Variants in KEAP1 observed in about 807,000 individuals in gnomAD.
The protein encoded by KEAP1 is kelch-like ECH-associated protein 1.
In KEAP1, 26 loss-of-function variants were observed where a neutral mutation model predicts 59.7. That is an observed-to-expected ratio of 0.44 (90% CI 0.32 to 0.60). The LOEUF (loss-of-function observed/expected upper bound fraction) is 0.60, where lower values mean the gene tolerates loss of function less well. Ranked by LOEUF, KEAP1 falls within the 20% of genes least tolerant of loss-of-function variation. KEAP1 has a pLI of 0.06. For missense variants in KEAP1, 539 were observed against 871.4 expected, an observed-to-expected ratio of 0.62 and a Z score of 4.80; for synonymous variants, 350 against 358.3, an observed-to-expected ratio of 0.98 and a Z score of 0.26.
chr19:10,492,944 C>G (rs919340936), intron 2 of KEAP1, among the ~76,000 whole-genome samples: 1 of 151,280 alleles, frequency 6.6e-6, no homozygotes, highest in African/African-American at 2.4e-5. Flanking sequence ...GCCTCAGCCT[C>G]TCAAGTAGCT....
rs184784172 is a variant in KEAP1 at position 10,494,718 on chromosome 19, C to T, written c.640-2456G>A. Reference sequence around the variant, plus strand: ...TCGCCCAGGCTGGAGTGCAGTGGCACGATCTTGCCTCACTGCAAGCTCTGC... The same window carrying T: ...TCGCCCAGGCTGGAGTGCAGTGGCATGATCTTGCCTCACTGCAAGCTCTGC... On this transcript the variant is annotated intron_variant, in intron 2 of 5. Coordinates refer to ENST00000171111, the MANE Select transcript of KEAP1 (RefSeq NM_203500.2). Among the ~76,000 whole-genome samples, 442 of 148,720 alleles carry T rather than the reference C, an allele frequency of 3.0e-3. 4 individuals carry two copies. Among genetic ancestry groups the T allele is most frequent in the African/African-American group, 0.01 (410 of 40,214 alleles).
At chr19:10,486,949 C>T in intron 5 of KEAP1, 131 bp from the exon 6 acceptor site, 1 of 894,022 alleles carries the variant, frequency 1.1e-6, no homozygotes. Flanking sequence ...ATAATCCTAG[C>T]ACTTTGCAGG....
chr19:10,494,657 CT>C (rs111799495), intron 2 of KEAP1, among the ~76,000 whole-genome samples: 66,563 of 110,712 alleles, frequency 0.6, 18,109 homozygotes, highest in Middle Eastern at 0.69. Flanking sequence ...CTGTTTGTTT[CT>C]TTTTTTTTTT....
intron 2 of KEAP1, among the ~76,000 whole-genome samples, chr19:10,498,574 T>C (rs1409439102): frequency 6.6e-6 from 1 of 152,122 alleles, no homozygotes; most frequent in South Asian, 2.1e-4. Context: ...AAAAACAGTA[T>C]AAGGACATTG....
intron 1 of KEAP1, among the ~76,000 whole-genome samples, chr19:10,501,422 G>A (rs1483760884): frequency 1.3e-5 from 2 of 151,874 alleles, no homozygotes; most frequent in Non-Finnish European, 2.9e-5. Flanking sequence ...AAGGTCAGAA[G>A]ATCGAGACCA....
intron 5 of KEAP1, among the ~76,000 whole-genome samples, chr19:10,488,942 A>T (rs1369394305): frequency 6.6e-6 from 1 of 151,888 alleles, no homozygotes; most frequent in Non-Finnish European, 1.5e-5. Context: ...AAAGAAAAAA[A>T]ACATTAGCCG....
rs1915066935 is a variant in KEAP1 at position 10,502,218 on chromosome 19, C to A, written c.-48+1023G>T. ...CACCCTCCCTGGGTGCCACTCGGCC[C>A]CCACTCTGGTGCCAAGGCCCTGGGT... is the stretch of plus-strand genomic sequence containing the variant. On this transcript the variant is annotated intron_variant, in intron 1 of 5. Transcript: ENST00000171111. This position sits in a 1 kb window ranked among gnomAD's most constrained non-coding sequence, Gnocchi z 4.0. Among the ~76,000 whole-genome samples the A allele has an allele frequency of 6.6e-6, 1 of 152,140 alleles. No homozygotes were observed. Among genetic ancestry groups the A allele is most frequent in the East Asian group, 1.9e-4 (1 of 5,174 alleles).
Position 10,491,888 on chromosome 19 carries a change from C to G in KEAP1, c.1014G>C (p.Ser338=), listed in dbSNP as rs769087193. 1 of 1,613,200 alleles carries G rather than the reference C, an allele frequency of 6.2e-7. No homozygotes were observed. The highest frequency in any genetic ancestry group is 8.5e-7 in the Non-Finnish European group (1 of 1,179,748). ...GGTTGTAAGCCTCCAGGTAGCTGAG[C>G]GACTGTCGGAAGTAGCCGCCCGCGG... ...IYTAGGYFRQ[S]LSYLEAYNPS... is the part of the protein sequence containing the mutation. The change falls in exon 3 of 6, where the codon TCG becomes TCC. Residue 338 remains serine, a synonymous_variant. Transcript: ENST00000171111. The surrounding 1 kb of genome is among the most constrained non-coding windows in gnomAD (Gnocchi z 5.2).
chr19:10,489,313 G>T lies in KEAP1; in HGVS notation c.1587C>A (p.Asp529Glu). The T allele has an allele frequency of 6.2e-7, 1 of 1,614,006 alleles. No homozygotes were observed. Among genetic ancestry groups the T allele is most frequent in the South Asian group, 1.1e-5 (1 of 91,076 alleles). The stretch of plus-strand genomic sequence containing the variant: ...CGTAGCGCTCCACGCTGTTCAGCTG[G>T]TCCTGACCATCATAGCCCCCAGCAG... ...IYAAGGYDGQ[D>E]QLNSVERYDV... The change falls in exon 5 of 6, where the codon GAC becomes GAA. Residue 529 changes from aspartate to glutamate, a missense_variant. Coordinates refer to ENST00000171111, the MANE Select transcript of KEAP1 (RefSeq NM_203500.2).
chr19:10,496,223 C>A (rs555565348), intron 2 of KEAP1, among the ~76,000 whole-genome samples: 1 of 147,702 alleles, frequency 6.8e-6, no homozygotes, highest in Non-Finnish European at 1.5e-5. Flanking sequence ...AGGCCAGGTG[C>A]GGTGGCTCAC....
Position 10,491,854 on chromosome 19 carries a change from C to A in KEAP1, c.1048G>T (p.Gly350Cys), listed in dbSNP as rs777308626. 5.6e-6 allele frequency: 9 copies of A among 1,611,168 alleles called. No homozygotes were observed. In the African/African-American group the frequency reaches 1.1e-4, roughly 19 times the overall value. Residue 350 changes from glycine to cysteine, a missense_variant, in exon 3 of 6, where the codon GGC becomes TGC. By Grantham distance (159) the Gly-to-Cys change is radical. Around this residue, in one of 4 missense-constraint regions of KEAP1, gnomAD observed 311 missense variants for 425.2 expected, o/e 0.73. Coordinates refer to ENST00000171111, the MANE Select transcript of KEAP1 (RefSeq NM_203500.2). The surrounding 1 kb of genome is among the most constrained non-coding windows in gnomAD (Gnocchi z 5.2). ...SYLEAYNPSD[G>C]TWLRLADLQV... ...AGGTCCGCCAACCGGAGCCAGGTGC[C>A]GTCACTGGGGTTGTAAGCCTCCAGG...
At chr19:10,494,414 T>C (rs1338564727) in intron 2 of KEAP1, among the ~76,000 whole-genome samples, 1 of 141,870 alleles carries the variant, frequency 7.0e-6, no homozygotes, top group African/African-American at 2.7e-5. Flanking sequence ...CACTGCAAGC[T>C]CCACCTCCCG....
At position 10,486,729 on chromosome 19, in the gene KEAP1, C is replaced by T. The variant is rs2144577974; in HGVS notation, c.1798G>A (p.Gly600Ser). The T allele has an allele frequency of 6.2e-7, 1 of 1,614,098 alleles. No individual in the cohort carries two copies. The highest frequency in any genetic ancestry group is 2.2e-5 in the East Asian group (1 of 44,870). The change falls in exon 6 of 6, where the codon GGC becomes AGC. Residue 600 changes from glycine to serine, a missense_variant. Around this residue, in one of 4 missense-constraint regions of KEAP1, gnomAD observed 311 missense variants for 425.2 expected, o/e 0.73. Coordinates refer to ENST00000171111, the MANE Select transcript of KEAP1 (RefSeq NM_203500.2). ...ACAGCCACGCCCACCCCACTCCGGC[C>T]CGATGTCATTCGGGTCACCTCGCTC... ...TWSEVTRMTS[G>S]RSGVGVAVTM...
intron 1 of KEAP1, among the ~76,000 whole-genome samples, chr19:10,501,703 G>A (rs866554837): frequency 6.6e-6 from 1 of 152,024 alleles, no homozygotes; most frequent in Non-Finnish European, 1.5e-5. Flanking sequence ...CAGCCACCAC[G>A]ATGGGCTAAT....
Position 10,499,434 on chromosome 19 carries a change from G to A in KEAP1, c.600C>T (p.His200=), listed in dbSNP as rs776264403. 11 of 1,613,510 alleles carry A rather than the reference G, an allele frequency of 6.8e-6. No individual in the cohort carries two copies. Among genetic ancestry groups the A allele is most frequent in the Non-Finnish European group, 8.5e-6 (10 of 1,179,862 alleles). The change falls in exon 2 of 6, where the codon CAC becomes CAT. Residue 200 remains histidine (H), a synonymous_variant. Coordinates refer to ENST00000171111, the MANE Select transcript of KEAP1 (RefSeq NM_203500.2). The surrounding 1 kb of genome is among the most constrained non-coding windows in gnomAD (Gnocchi z 6.7). ...TGTAGATGTACTCCCGGGCACGCTG[G>A]TGCAACTCCACACAGCCAATCTGCT... ...FAEQIGCVEL[H]QRAREYIYMH...
rs1914969243 is a variant in KEAP1, at chr19:10,499,658, C to T, written c.376G>A (p.Glu126Lys). 1 of 1,614,138 alleles carries T rather than the reference C, an allele frequency of 6.2e-7. No individual in the cohort carries two copies. Among genetic ancestry groups the T allele is most frequent in the Non-Finnish European group, 8.5e-7 (1 of 1,180,032 alleles). ...REQGMEVVSIEGIHPKVMERL... is the reference protein window; with the variant it reads ...REQGMEVVSIKGIHPKVMERL... ...TCCATGACCTTGGGGTGGATACCCTCAATGGACACCACCTCCATGCCCTGC... is the reference window on the plus strand; with the variant it reads ...TCCATGACCTTGGGGTGGATACCCTTAATGGACACCACCTCCATGCCCTGC... The change falls in exon 2 of 6, where the codon GAG (glutamate) becomes AAG (lysine). Residue 126 changes from glutamate (E) to lysine (K), a missense_variant. This residue lies in a region of KEAP1 where 166 missense variants were observed against 295.8 expected (regional missense o/e 0.56). Coordinates refer to ENST00000171111, the MANE Select transcript of KEAP1 (RefSeq NM_203500.2). This position sits in a 1 kb window ranked among gnomAD's most constrained non-coding sequence, Gnocchi z 6.7.
At chr19:10,496,502 CA>C (rs111471665) in intron 2 of KEAP1, among the ~76,000 whole-genome samples, 305 of 128,278 alleles carry the variant, frequency 2.4e-3, no homozygotes, top group East Asian at 7.4e-3. Flanking sequence ...CCCCCACCCC[CA>C]AAAAAAAAAA....
chr19:10,496,507 A>ACC (rs1364981773), intron 2 of KEAP1, among the ~76,000 whole-genome samples: 8 of 128,036 alleles, frequency 6.2e-5, no homozygotes, highest in South Asian at 2.2e-4. Context: ...ACCCCCAAAA[A>ACC]AAAAAAAAAG....
In KEAP1 at chr19:10,499,335, G is replaced by A. The variant is rs2144623463; in HGVS notation, c.639+60C>T. The stretch of plus-strand genomic sequence containing the variant: ...ACATCTCAAGGGGAGACAGTGATGA[G>A]CACTCGTCCATCCCTGGTCCTTCTC... On this transcript the variant is annotated intron_variant, in intron 2 of 5. Coordinates refer to ENST00000171111, the MANE Select transcript of KEAP1 (RefSeq NM_203500.2). The surrounding 1 kb of genome is among the most constrained non-coding windows in gnomAD (Gnocchi z 6.7). The A allele has an allele frequency of 1.4e-6, 2 of 1,388,830 alleles. No individual in the cohort carries two copies. Among genetic ancestry groups the A allele is most frequent in the African/African-American group, 1.4e-5 (1 of 70,662 alleles). The allele number at this position is 1,388,830 out of a possible 1,614,324, so 86.0% of individuals were successfully genotyped here. A position where few individuals can be genotyped will look rare whatever the true frequency, so the allele number is the denominator to read the frequency against.
Sources: gnomAD v4.1 joint callset for allele counts (sites outside exome capture counted in the v4.1 genomes callset) on GRCh38, gnomAD v4.1.1 for gene constraint, gnomAD v4.1.1 regional missense constraint, Gnocchi (gnomAD v3.1) non-coding constraint, MANE v1.5 for transcripts, NCBI Gene and HGNC (gene_info 2026-07-23, HGNC 2026-07-21) for gene names.